The following CADM3 variants were observed in gnomAD, a reference collection of about 807,000 sequenced individuals.
CADM3 encodes the protein TSLC1-like 1.
A neutral mutation model predicts 44.9 loss-of-function variants in CADM3; 11 were observed. That is an observed-to-expected ratio of 0.25 (90% CI 0.15 to 0.41). The LOEUF is 0.41. CADM3 is among the 10% of genes least tolerant of loss of function. The pLI, the probability that CADM3 is intolerant of heterozygous loss-of-function variation, is 1.00. For missense variants in CADM3, 426 were observed against 512.0 expected, an observed-to-expected ratio of 0.83 and a Z score of 1.62; for synonymous variants, 207 against 205.2, an observed-to-expected ratio of 1.01 and a Z score of -0.08.
chr1:159,185,722 C>A (rs931237782), intron 1 of CADM3, among the ~76,000 whole-genome samples: 7 of 152,184 alleles, frequency 4.6e-5, no homozygotes, highest in African/African-American at 1.7e-4. Flanking sequence ...TTCTTCATCT[C>A]CTGTTTGGTT....
chr1:159,195,149 ATT>A (rs1649836140), intron 5 of CADM3: 1 of 152,192 alleles, frequency 6.6e-6, no homozygotes, highest in Non-Finnish European at 1.5e-5. Flanking sequence ...ATCACTATTC[ATT>A]TGGCAGACTC....
intron 1 of CADM3, chr1:159,189,633 T>C: frequency 1.5e-6 from 1 of 654,844 alleles, no homozygotes; most frequent in Non-Finnish European, 2.7e-6. Context: ...GTAAGAACCC[T>C]ACCTTCTCTT....
rs35256099 is a variant in CADM3, at chr1:159,200,859, G to T, written c.1134G>T (p.Thr378=). ...KGSDDAPDAD[T]AIINAEGGQS... ...CCGACGATGCTCCAGACGCGGACACGGCCATCATCAATGCAGAAGGCGGGC... is the reference window on the plus strand; with the variant it reads ...CCGACGATGCTCCAGACGCGGACACTGCCATCATCAATGCAGAAGGCGGGC... The change falls in exon 9 of 9, where the codon ACG becomes ACT. Residue 378 remains threonine, a synonymous_variant. Coordinates refer to ENST00000368125, the MANE Select transcript of CADM3 (RefSeq NM_001127173.3). 1 of 1,611,344 alleles carries T rather than the reference G, an allele frequency of 6.2e-7. No homozygotes were observed. Among genetic ancestry groups the T allele is most frequent in the South Asian group, 1.1e-5 (1 of 90,710 alleles).
At chr1:159,193,118 A>C (rs1300836194) in intron 3 of CADM3, among the ~76,000 whole-genome samples, 1 of 151,998 alleles carries the variant, frequency 6.6e-6, no homozygotes, top group Non-Finnish European at 1.5e-5. Flanking sequence ...CTATATTTCA[A>C]CTTCCTTCTT....
At chr1:159,186,206 G>C (rs1010218282) in intron 1 of CADM3, among the ~76,000 whole-genome samples, 1 of 152,210 alleles carries the variant, frequency 6.6e-6, no homozygotes, top group East Asian at 1.9e-4. Context: ...AATGCAGGGT[G>C]AGTGGAGTAG....
chr1:159,191,936 A>C lies in CADM3; in HGVS notation c.89A>C (p.Asp30Ala), dbSNP rs1334741071. The C allele has an allele frequency of 3.5e-5, 57 of 1,614,056 alleles. No homozygotes were observed. The highest frequency in any genetic ancestry group is 4.8e-5 in the Non-Finnish European group (57 of 1,180,002). Residue 30 changes from aspartate to alanine, a missense_variant and splice_region_variant, in exon 2 of 9, where the codon GAC becomes GCC. By Grantham distance (126) the Asp-to-Ala change is moderately radical. Transcript: ENST00000368125. ...AACTAACACTCTTCTACTCCTGCAG[A>C]CAGCCAGCCCTGGACATCTGATGAA... ...APGGANLSQD[D>A]SQPWTSDETV...
chr1:159,177,344 G>A (rs750391827), intron 1 of CADM3, among the ~76,000 whole-genome samples: 6 of 152,110 alleles, frequency 3.9e-5, no homozygotes, highest in African/African-American at 1.4e-4. Context: ...CCTAATAGAA[G>A]CCATGATGTC....
At chr1:159,186,560 C>A (rs1649427778) in intron 1 of CADM3, among the ~76,000 whole-genome samples, 1 of 152,162 alleles carries the variant, frequency 6.6e-6, no homozygotes, top group Non-Finnish European at 1.5e-5. Flanking sequence ...ATGACTGACA[C>A]AATCTGAATC....
chr1:159,196,910 G>A lies in CADM3; in HGVS notation c.802G>A (p.Glu268Lys), dbSNP rs1218750519. The A allele has an allele frequency of 1.2e-6, 2 of 1,613,948 alleles. No individual in the cohort carries two copies. The highest frequency in any genetic ancestry group is 1.7e-6 in the Non-Finnish European group (2 of 1,179,972). The change falls in exon 7 of 9, where the codon GAG becomes AAG. Residue 268 changes from glutamate (E) to lysine (K), a missense_variant. This residue lies in a region of CADM3 where 362 missense variants were observed against 474.6 expected (regional missense o/e 0.76). Coordinates refer to ENST00000368125, the MANE Select transcript of CADM3 (RefSeq NM_001127173.3). ...GNPVPQQYLW[E>K]KEGSVPPLKM... is the part of the protein sequence containing the mutation. ...CGACAGCCCCCAGCAGTACCTATGG[G>A]AGAAGGAGGGCAGTGTGCCACCCCT...
At position 159,173,105 on chromosome 1, in the gene CADM3, G is replaced by A. The variant is rs547789758; in HGVS notation, c.88+1252G>A. Among the ~76,000 whole-genome samples the A allele has an allele frequency of 3.3e-5, 5 of 152,012 alleles. No homozygotes were observed. The East Asian group carries it at 5.8e-4, about 18-fold the overall frequency. On this transcript the variant is annotated intron_variant, in intron 1 of 8. Coordinates refer to ENST00000368125, the MANE Select transcript of CADM3 (RefSeq NM_001127173.3). ...AAGGGAAGTGGGGAGAGTGAAGGGG[G>A]AGGGTGGTGGCTATGCCCGGCCAGA...
At chr1:159,181,125 T>C (rs556343020) in intron 1 of CADM3, among the ~76,000 whole-genome samples, 240 of 152,314 alleles carry the variant, frequency 1.6e-3, no homozygotes, top group Non-Finnish European at 1.7e-3. Flanking sequence ...ATGAGCTAAA[T>C]TGAATTCTGC....
At chr1:159,173,405 T>A (rs1186911874) in intron 1 of CADM3, among the ~76,000 whole-genome samples, 2 of 151,938 alleles carry the variant, frequency 1.3e-5, no homozygotes, top group Non-Finnish European at 2.9e-5. Context: ...ACCCTGGGGA[T>A]CCCCTCCCTA....
chr1:159,172,556 C>A (rs1557927180), intron 1 of CADM3, among the ~76,000 whole-genome samples: 1 of 152,054 alleles, frequency 6.6e-6, no homozygotes, highest in Non-Finnish European at 1.5e-5. Flanking sequence ...CCGACAGGAG[C>A]AGAGGCGGGG....
chr1:159,198,425 C>A (rs1296652463), intron 7 of CADM3, among the ~76,000 whole-genome samples: 2 of 152,136 alleles, frequency 1.3e-5, no homozygotes, highest in African/African-American at 4.8e-5. Context: ...CACTCTGCTT[C>A]CTCCAAGTTA....
chr1:159,199,944 G>A (rs1432306658), intron 8 of CADM3, 68 bp downstream of exon 8: 10 of 1,569,812 alleles, frequency 6.4e-6, no homozygotes, highest in East Asian at 4.6e-5. Flanking sequence ...AGGCAGGCAC[G>A]AGGAGAAGCA....
chr1:159,173,282 A>G (rs1557927547), intron 1 of CADM3, among the ~76,000 whole-genome samples: 1 of 152,026 alleles, frequency 6.6e-6, no homozygotes, highest in Non-Finnish European at 1.5e-5. Flanking sequence ...AGAGAATTTC[A>G]TCTGAGGAAA....
intron 5 of CADM3, chr1:159,194,354 G>A (rs1329908330): frequency 4.6e-6 from 1 of 218,336 alleles, no homozygotes; most frequent in Non-Finnish European, 9.1e-6. Context: ...ATTTACAAAA[G>A]AATGCAGGTG....
chr1:159,190,150 A>C (rs1649588771), intron 1 of CADM3, among the ~76,000 whole-genome samples: 1 of 152,212 alleles, frequency 6.6e-6, no homozygotes, highest in Non-Finnish European at 1.5e-5. Context: ...CAGAATAAAG[A>C]GGTTCTGGGA....
chr1:159,199,778 G>A lies in CADM3; in HGVS notation c.980G>A (p.Ser327Asn). The A allele has an allele frequency of 1.9e-6, 3 of 1,614,046 alleles. No homozygotes were observed. The highest frequency in any genetic ancestry group is 2.5e-6 in the Non-Finnish European group (3 of 1,180,012). The stretch of plus-strand genomic sequence containing the variant: ...CCCAGTCCGGTGCCCTCCTCCTCCA[G>A]CACCTACCACGCCATCATCGGTGGG... ...NDPSPVPSSS[S>N]TYHAIIGGIV... Residue 327 changes from serine (S) to asparagine (N), a missense_variant, in exon 8 of 9, where the codon AGC (serine) becomes AAC (asparagine). Ser to Asn is a conservative substitution (Grantham distance 46, BLOSUM62 1). Coordinates refer to ENST00000368125, the MANE Select transcript of CADM3 (RefSeq NM_001127173.3).
Sources: gnomAD v4.1 joint callset for allele counts (sites outside exome capture counted in the v4.1 genomes callset) on GRCh38, gnomAD v4.1.1 for gene constraint, gnomAD v4.1.1 regional missense constraint, MANE v1.5 for transcripts, NCBI Gene and HGNC (gene_info 2026-07-23, HGNC 2026-07-21) for gene names.